The following KCNH8 variants were observed in gnomAD, a reference collection of about 807,000 sequenced individuals.
KCNH8 encodes voltage-gated delayed rectifier potassium channel KCNH8.
Under a neutral mutation model 103.6 loss-of-function variants are expected in KCNH8, and 70 were observed. The observed-to-expected ratio is 0.68, with a 90% CI of 0.56 to 0.82. KCNH8 has a LOEUF of 0.82. KCNH8 is among the 40% of genes least tolerant of loss of function. KCNH8 has a pLI of 0.00. For missense variants in KCNH8, 1,217 were observed against 1,329.9 expected (o/e 0.92, Z 1.32); for synonymous variants, 498 against 489.4 (o/e 1.02, Z -0.23).
chr3:19,330,844 G>A (rs1420532158), intron 3 of KCNH8, among the ~76,000 whole-genome samples: 1 of 152,118 alleles, frequency 6.6e-6, no homozygotes, highest in Non-Finnish European at 1.5e-5. Flanking sequence ...TATAGGCAAA[G>A]GATAATCATG....
At chr3:19,308,893 A>G (rs1223753555) in intron 3 of KCNH8, among the ~76,000 whole-genome samples, 1 of 150,700 alleles carries the variant, frequency 6.6e-6, no homozygotes, top group Non-Finnish European at 1.5e-5. Flanking sequence ...TGTGGATTAA[A>G]TTTAATCTGT....
At chr3:19,533,367 T>TGTC in intron 15 of KCNH8, 28 bp from the exon 16 acceptor site, 2 of 1,455,968 alleles carry the variant, frequency 1.4e-6, no homozygotes, top group Non-Finnish European at 1.9e-6. Flanking sequence ...CTCTAACTAT[T>TGTC]GTCTTTCACT....
intron 1 of KCNH8, among the ~76,000 whole-genome samples, chr3:19,167,710 G>A (rs2063299455): frequency 6.6e-6 from 1 of 152,172 alleles, no homozygotes; most frequent in African/African-American, 2.4e-5. Context: ...AGATTCACAT[G>A]CAGTTATAAG....
intron 5 of KCNH8, among the ~76,000 whole-genome samples, chr3:19,355,845 C>A (rs930762640): frequency 6.6e-6 from 1 of 151,732 alleles, no homozygotes; most frequent in South Asian, 2.1e-4. Context: ...AACAAACCTG[C>A]ACATTATGCA....
At chr3:19,385,010 A>G (rs1302379369) in intron 5 of KCNH8, among the ~76,000 whole-genome samples, 1 of 152,146 alleles carries the variant, frequency 6.6e-6, no homozygotes, top group Non-Finnish European at 1.5e-5. Context: ...CATCGGGCCT[A>G]TGAAGAGGAA....
rs114123223 is a variant in KCNH8 at position 19,492,907 on chromosome 3, A to G, written c.2041-17456A>G. On this transcript the variant is annotated intron_variant, in intron 11 of 15. Coordinates refer to ENST00000328405, the MANE Select transcript of KCNH8 (RefSeq NM_144633.3). ...TGTGATTTCTGACTTCTTTCACAAG[A>G]CTTTCGTAATTTTCCATGTAGAGAT... 8.0e-3 allele frequency among the ~76,000 whole-genome samples: 1,168 copies of G among 146,520 alleles called. 19 individuals carry two copies. The highest frequency in any genetic ancestry group is 0.028 in the African/African-American group (1,091 of 39,510).
intron 1 of KCNH8, among the ~76,000 whole-genome samples, chr3:19,239,779 A>G (rs1050851103): frequency 8.5e-5 from 13 of 152,160 alleles, no homozygotes; most frequent in Non-Finnish European, 1.6e-4. Flanking sequence ...TCATGCATTT[A>G]TAATAAAATT....
intron 3 of KCNH8, among the ~76,000 whole-genome samples, chr3:19,325,648 A>G (rs1260843051): frequency 6.6e-6 from 1 of 152,168 alleles, no homozygotes; most frequent in East Asian, 1.9e-4. Context: ...GCATCTCACA[A>G]CAGTCAGAAT....
intron 11 of KCNH8, among the ~76,000 whole-genome samples, chr3:19,503,625 G>C (rs940880956): frequency 6.6e-6 from 1 of 152,104 alleles, no homozygotes; most frequent in African/African-American, 2.4e-5. Context: ...CACGTCCTTT[G>C]TAGGGACATG....
chr3:19,316,606 C>T lies in KCNH8; in HGVS notation c.443-25981C>T, dbSNP rs576597712. On this transcript the variant is annotated intron_variant, in intron 3 of 15. Coordinates refer to ENST00000328405, the MANE Select transcript of KCNH8 (RefSeq NM_144633.3). ...CTCCAAAAAGGGCTATCTCTCTGCT[C>T]CTCCAGCTCTTACATATCATGTTGT... 2.2e-4 allele frequency among the ~76,000 whole-genome samples: 34 copies of T among 151,998 alleles called. No individual in the cohort carries two copies. The South Asian group carries it at 6.2e-3, about 28-fold the overall frequency.
At chr3:19,295,433 C>T (rs1214343343) in intron 3 of KCNH8, among the ~76,000 whole-genome samples, 1 of 149,230 alleles carries the variant, frequency 6.7e-6, no homozygotes, top group Non-Finnish European at 1.5e-5. Flanking sequence ...TAAGTTCAGG[C>T]TGAGAGCTAA....
intron 3 of KCNH8, among the ~76,000 whole-genome samples, chr3:19,328,058 T>C (rs1029963496): frequency 6.6e-6 from 1 of 152,188 alleles, no homozygotes; most frequent in Non-Finnish European, 1.5e-5. Flanking sequence ...CCATTACTTT[T>C]CCTAGAAGAA....
intron 3 of KCNH8, among the ~76,000 whole-genome samples, chr3:19,315,381 T>G (rs2065260150): frequency 6.6e-6 from 1 of 151,998 alleles, no homozygotes; most frequent in African/African-American, 2.4e-5. Context: ...GCCTGCACTC[T>G]CTGTGATAGC....
In KCNH8 at chr3:19,342,818, A is replaced by G. The variant is rs961587352; in HGVS notation, c.570+104A>G. 1.7e-5 allele frequency: 20 copies of G among 1,180,936 alleles called. 1 individual carries two copies. Among genetic ancestry groups the G allele is most frequent in the Non-Finnish European group, 2.3e-5 (20 of 855,518 alleles). The allele number at this position is 1,180,936 out of a possible 1,614,324, so 73.2% of individuals were successfully genotyped here. ...ATTACCCATTTATTGGCTTGCCTAGATTTTTTTTTCCACTTTGGTTTGTGC... is the reference window on the plus strand; with the variant it reads ...ATTACCCATTTATTGGCTTGCCTAGGTTTTTTTTTCCACTTTGGTTTGTGC... On this transcript the variant is annotated intron_variant, in intron 4 of 15. Transcript: ENST00000328405.
intron 6 of KCNH8, among the ~76,000 whole-genome samples, chr3:19,393,536 C>T (rs6782949): frequency 0.24 from 37,119 of 151,866 alleles, 4,909 homozygotes; most frequent in Middle Eastern, 0.32. Flanking sequence ...TTGGGACTTC[C>T]GTTCCAGTTT....
intron 9 of KCNH8, 66 bp downstream of exon 9, chr3:19,450,371 T>C: frequency 8.0e-7 from 1 of 1,246,326 alleles, no homozygotes; most frequent in Non-Finnish European, 1.2e-6. Context: ...CGCAAGATGT[T>C]CTAATGCAGG....
At chr3:19,459,413 T>TA (rs1168148246) in intron 11 of KCNH8, among the ~76,000 whole-genome samples, 1 of 152,058 alleles carries the variant, frequency 6.6e-6, no homozygotes, top group Non-Finnish European at 1.5e-5. Context: ...TCATCTGTTT[T>TA]AAAAATCAGG....
At chr3:19,158,050 G>C (rs542375026) in intron 1 of KCNH8, among the ~76,000 whole-genome samples, 1 of 151,310 alleles carries the variant, frequency 6.6e-6, no homozygotes, top group Admixed American at 6.6e-5. Flanking sequence ...TACATAGTAG[G>C]TGTATAATTT....
chr3:19,514,658 A>G (rs897203760), intron 13 of KCNH8, among the ~76,000 whole-genome samples: 2 of 151,546 alleles, frequency 1.3e-5, no homozygotes, highest in Non-Finnish European at 2.9e-5. Flanking sequence ...GATACTATTT[A>G]CCATGAAAAG....
Sources: allele counts gnomAD v4.1 joint callset (sites outside exome capture counted in the v4.1 genomes callset), GRCh38; gene constraint gnomAD v4.1.1; transcripts MANE v1.5; gene names NCBI Gene and HGNC (gene_info 2026-07-23, HGNC 2026-07-21).